The following STYK1 variants were observed in gnomAD, a reference collection of about 807,000 sequenced individuals.
STYK1 encodes the protein tyrosine-protein kinase STYK1.
Under a neutral mutation model 48.1 loss-of-function variants are expected in STYK1, and 46 were observed. The observed-to-expected ratio is 0.96, with a 90% CI of 0.75 to 1.22. STYK1 has a LOEUF of 1.22. Ranked by LOEUF, STYK1 falls within the 50% of genes most tolerant of loss-of-function variation. STYK1 has a pLI of 0.00. For missense variants in STYK1, 527 were observed against 521.1 expected, an observed-to-expected ratio of 1.01 and a Z score of -0.11; for synonymous variants, 188 against 189.0, an observed-to-expected ratio of 0.99 and a Z score of 0.04.
chr12:10,658,658 G>A (rs1459060031), intron 1 of STYK1, among the ~76,000 whole-genome samples: 19 of 152,108 alleles, frequency 1.2e-4, no homozygotes, highest in Admixed American at 1.2e-3. Context: ...AAGTCCAGAA[G>A]AGACATATTT....
chr12:10,646,994 C>T (rs1187770569), intron 1 of STYK1, among the ~76,000 whole-genome samples: 2 of 152,244 alleles, frequency 1.3e-5, no homozygotes, highest in Non-Finnish European at 2.9e-5. Flanking sequence ...TGGAAATGCC[C>T]AGATGCCTAT....
intron 1 of STYK1, among the ~76,000 whole-genome samples, chr12:10,671,508 A>G (rs1452732842): frequency 6.6e-6 from 1 of 152,202 alleles, no homozygotes; most frequent in Non-Finnish European, 1.5e-5. Context: ...AGATGGAGGA[A>G]GGGTCCATGA....
intron 1 of STYK1, among the ~76,000 whole-genome samples, chr12:10,658,654 A>G (rs140847800): frequency 8.5e-5 from 13 of 152,306 alleles, no homozygotes; most frequent in African/African-American, 2.4e-4. Context: ...CCTAAAGTCC[A>G]GAAGAGACAT....
chr12:10,639,538 C>T (rs1050921160), intron 1 of STYK1, among the ~76,000 whole-genome samples: 3 of 152,050 alleles, frequency 2.0e-5, no homozygotes, highest in South Asian at 2.1e-4. Flanking sequence ...CCTCAGCCTC[C>T]CAAATAGCTG....
intron 1 of STYK1, among the ~76,000 whole-genome samples, chr12:10,641,829 C>G (rs1274545044): frequency 1.3e-5 from 2 of 152,160 alleles, no homozygotes. Context: ...GTTTCCCCTC[C>G]CTAGGGAGTG....
intron 1 of STYK1, among the ~76,000 whole-genome samples, chr12:10,645,553 GA>G (rs1317627511): frequency 1.3e-5 from 2 of 152,054 alleles, no homozygotes; most frequent in Non-Finnish European, 2.9e-5. Flanking sequence ...CACACACACT[GA>G]AAAACAGAGA....
intron 1 of STYK1, among the ~76,000 whole-genome samples, chr12:10,665,241 C>T (rs541638048): frequency 1.3e-5 from 2 of 152,310 alleles, no homozygotes; most frequent in South Asian, 4.2e-4. Flanking sequence ...ATCACACCTC[C>T]CTGTTACAGA....
Position 10,622,672 on chromosome 12 carries a change from AG to A in STYK1, c.932del (p.Ser311PhefsTer10). The A allele has an allele frequency of 6.2e-7, 1 of 1,614,032 alleles. No homozygotes were observed. The highest frequency in any genetic ancestry group is 8.5e-7 in the Non-Finnish European group (1 of 1,179,924). ...CCATCTCATAGAGCAGGATCCCAAA[AG>A]ACCAGCTGTAAAAGAAACAAAGCCA... ...RPASIRADVWSFGILLYEMVT... is the reference protein window; with the variant it reads ...RPASIRADVWXFGILLYEMVT... On this transcript the variant is annotated frameshift_variant, in exon 9 of 11. Coordinates refer to ENST00000075503, the MANE Select transcript of STYK1 (RefSeq NM_018423.3). LOFTEE classifies it high-confidence loss of function.
intron 1 of STYK1, among the ~76,000 whole-genome samples, chr12:10,642,025 G>A (rs1323639231): frequency 6.6e-6 from 1 of 152,248 alleles, no homozygotes; most frequent in Non-Finnish European, 1.5e-5. Flanking sequence ...TAGTGAGCAG[G>A]AAACGTGCAT....
chr12:10,665,262 G>A (rs147336917), intron 1 of STYK1, among the ~76,000 whole-genome samples: 13 of 152,284 alleles, frequency 8.5e-5, no homozygotes, highest in Middle Eastern at 3.4e-3. Context: ...AACAAAAAAT[G>A]TAAGAACAGC....
chr12:10,621,809 G>T, intron 10 of STYK1, 67 bp downstream of exon 10: 1 of 1,456,636 alleles, frequency 6.9e-7, no homozygotes, highest in Non-Finnish European at 9.6e-7. Context: ...TTTGAAAAGG[G>T]CACGATTGAT....
chr12:10,668,346 C>G (rs1056432638), intron 1 of STYK1, among the ~76,000 whole-genome samples: 2 of 151,634 alleles, frequency 1.3e-5, no homozygotes, highest in African/African-American at 4.8e-5. Context: ...TAATTTGCTG[C>G]TGCTGCTGCT....
At chr12:10,644,474 T>C (rs1037043105) in intron 1 of STYK1, among the ~76,000 whole-genome samples, 1 of 152,260 alleles carries the variant, frequency 6.6e-6, no homozygotes, top group East Asian at 1.9e-4. Context: ...TTGGATTCTA[T>C]ACTATTTTTG....
chr12:10,660,692 A>T (rs1389350613), intron 1 of STYK1, among the ~76,000 whole-genome samples: 2 of 152,186 alleles, frequency 1.3e-5, no homozygotes, highest in Non-Finnish European at 2.9e-5. Flanking sequence ...ATGGCCACAA[A>T]AGTGACCTCT....
intron 5 of STYK1, 97 bp from the exon 6 acceptor site, chr12:10,629,771 G>A (rs1947401995): frequency 3.6e-6 from 5 of 1,402,276 alleles, no homozygotes; most frequent in African/African-American, 1.4e-5. Flanking sequence ...TAATTCTCAA[G>A]GCCCCACATG....
chr12:10,672,536 TA>T lies in STYK1; in HGVS notation c.-195+1429del, dbSNP rs1345754975. ...TACAGGTGTGAGCCACCGTGCCCACTAGCATTAGATTGTCATAGGAGCGTGA... is the reference window on the plus strand; with the variant it reads ...TACAGGTGTGAGCCACCGTGCCCACTGCATTAGATTGTCATAGGAGCGTGA... On this transcript the variant is annotated intron_variant, in intron 1 of 10. Transcript: ENST00000075503. This position sits in a 1 kb window ranked among gnomAD's most constrained non-coding sequence, Gnocchi z 4.0. Among the ~76,000 whole-genome samples, 7 of 152,174 alleles carry T rather than the reference TA, an allele frequency of 4.6e-5. No homozygotes were observed. Among genetic ancestry groups the T allele is most frequent in the Non-Finnish European group, 1.0e-4 (7 of 68,034 alleles).
chr12:10,651,894 G>C (rs1947666774), intron 1 of STYK1, among the ~76,000 whole-genome samples: 1 of 151,916 alleles, frequency 6.6e-6, no homozygotes, highest in Admixed American at 6.6e-5. Context: ...TTGCTTCATA[G>C]TTTTCAAATT....
Position 10,631,263 on chromosome 12 carries a change from C to T in STYK1, c.233G>A (p.Gly78Glu), listed in dbSNP as rs1344674098. 9 of 1,614,120 alleles carry T rather than the reference C, an allele frequency of 5.6e-6. 1 individual carries two copies. The East Asian group carries it at 8.9e-5, about 16-fold the overall frequency. The change falls in exon 5 of 11, where the codon GGA (glycine) becomes GAA (glutamate). Residue 78 changes from glycine to glutamate, a missense_variant. Coordinates refer to ENST00000075503, the MANE Select transcript of STYK1 (RefSeq NM_018423.3). Reference protein sequence around the residue: ...PPPRDLSWEAGHGGNVALPLK... With the variant: ...PPPRDLSWEAEHGGNVALPLK... ...TGGCAAAGCCACATTTCCTCCATGT[C>T]CTGCTTCCCAGCTTAGGTCCCTAGG... is the stretch of plus-strand genomic sequence containing the variant.
rs184810317 is a variant in STYK1 at position 10,627,474 on chromosome 12, G to T, written c.717+167C>A. Among the ~76,000 whole-genome samples the T allele has an allele frequency of 3.4e-4, 51 of 152,100 alleles. 1 individual carries two copies. The South Asian group carries it at 7.3e-3, about 22-fold the overall frequency. ...TTATCTAGATAAATCCCTAAGGAAG[G>T]GACTAAAAACAATTTATCCATGCTT... On this transcript the variant is annotated intron_variant, in intron 7 of 10. Coordinates refer to ENST00000075503, the MANE Select transcript of STYK1 (RefSeq NM_018423.3).
Sources: allele counts gnomAD v4.1 joint callset (sites outside exome capture counted in the v4.1 genomes callset), GRCh38; gene constraint gnomAD v4.1.1; non-coding constraint Gnocchi (gnomAD v3.1); transcripts MANE v1.5; gene names NCBI Gene and HGNC (gene_info 2026-07-23, HGNC 2026-07-21).